MYL10: variants seen among roughly 807,000 people sequenced by gnomAD.
The protein encoded by MYL10 is myosin light chain 10.
A neutral mutation model predicts 21.9 loss-of-function variants in MYL10; 18 were observed. That is an observed-to-expected ratio of 0.82 (90% confidence interval 0.57 to 1.22). The LOEUF (loss-of-function observed/expected upper bound fraction) is 1.22, where lower values mean the gene tolerates loss of function less well. Among genes scored for constraint, MYL10 ranks in the 50% most tolerant of loss-of-function variants. MYL10 has a pLI of 0.00. For missense variants in MYL10, 225 were observed against 230.4 expected, an observed-to-expected ratio of 0.98 and a Z score of 0.15; for synonymous variants, 88 against 82.8, an observed-to-expected ratio of 1.06 and a Z score of -0.34.
intron 1 of MYL10, among the ~76,000 whole-genome samples, chr7:101,627,982 G>C (rs754036939): frequency 3.3e-5 from 5 of 152,190 alleles, no homozygotes; most frequent in South Asian, 2.1e-4. Context: ...ATAGGAATAG[G>C]GGGGAGTGTA....
At chr7:101,619,566 G>A (rs1026593295) in intron 5 of MYL10, among the ~76,000 whole-genome samples, 1 of 152,176 alleles carries the variant, frequency 6.6e-6, no homozygotes, top group African/African-American at 2.4e-5. Flanking sequence ...ATCACCCTGT[G>A]GTGGACTGAA....
At chr7:101,619,889 C>CAAAAAA (rs60752793) in intron 5 of MYL10, among the ~76,000 whole-genome samples, 3 of 102,610 alleles carry the variant, frequency 2.9e-5, no homozygotes, top group South Asian at 3.7e-4. Flanking sequence ...GACTCCGTCT[C>CAAAAAA]AAAAAAAAAA....
chr7:101,615,468 C>A (rs898959717), intron 6 of MYL10, among the ~76,000 whole-genome samples: 1 of 150,838 alleles, frequency 6.6e-6, no homozygotes, highest in Non-Finnish European at 1.5e-5. Context: ...CCCCGCCTGC[C>A]GCTCTGTGCT....
rs771268149 is a variant in MYL10, at chr7:101,624,154, AT to A, written c.171+17del. 21 of 1,518,234 alleles carry A rather than the reference AT, an allele frequency of 1.4e-5. 1 individual carries two copies. The South Asian group carries it at 2.0e-4, about 15-fold the overall frequency. The allele number at this position is 1,518,234 out of a possible 1,614,324, so 94.0% of individuals were successfully genotyped here. On this transcript the variant is annotated intron_variant, in intron 2 of 7. Coordinates refer to ENST00000223167, the MANE Select transcript of MYL10 (RefSeq NM_138403.5). Reference sequence around the variant, plus strand: ...TTCCAAGAATCCTCATAACAGCCCCATGGGGCAGCAGACCAACCTCTTTAAA... The same window carrying A: ...TTCCAAGAATCCTCATAACAGCCCCAGGGGCAGCAGACCAACCTCTTTAAA...
chr7:101,620,119 C>T (rs997791769), intron 5 of MYL10, among the ~76,000 whole-genome samples: 5 of 152,046 alleles, frequency 3.3e-5, no homozygotes, highest in African/African-American at 1.2e-4. Flanking sequence ...GTCAGGAGTT[C>T]GAGACCAGCC....
At chr7:101,622,970 A>T (rs1461393553) in intron 4 of MYL10, 27 bp downstream of exon 4, 22 of 1,610,812 alleles carry the variant, frequency 1.4e-5, no homozygotes, top group Non-Finnish European at 1.9e-5. Flanking sequence ...CCTGGCCCTA[A>T]TCTCCCCCGG....
intron 1 of MYL10, among the ~76,000 whole-genome samples, chr7:101,628,061 A>G (rs1796767607): frequency 6.6e-6 from 1 of 152,168 alleles, no homozygotes; most frequent in Non-Finnish European, 1.5e-5. Context: ...CCTTCTACCA[A>G]TATGCCTATT....
intron 3 of MYL10, 72 bp from the exon 4 acceptor site, chr7:101,623,144 C>T: frequency 7.0e-7 from 1 of 1,434,700 alleles, no homozygotes; most frequent in Non-Finnish European, 9.7e-7. Flanking sequence ...GGACCGTCCT[C>T]CTGCCGACTG....
intron 5 of MYL10, among the ~76,000 whole-genome samples, chr7:101,616,542 T>C (rs912716318): frequency 1.3e-5 from 2 of 152,238 alleles, no homozygotes; most frequent in African/African-American, 4.8e-5. Context: ...ATATATATTT[T>C]GTGAACAACC....
intron 5 of MYL10, among the ~76,000 whole-genome samples, chr7:101,619,951 A>G (rs1474934351): frequency 2.0e-5 from 3 of 152,178 alleles, no homozygotes; most frequent in Non-Finnish European, 1.5e-5. Context: ...ATTTGGAAAA[A>G]AGGACTTTGC....
chr7:101,625,937 G>C, intron 1 of MYL10, among the ~76,000 whole-genome samples: 1 of 149,802 alleles, frequency 6.7e-6, no homozygotes, highest in East Asian at 2.0e-4. Context: ...GATCCCCCTG[G>C]TTACACCCCC....
At position 101,615,505 on chromosome 7, in the gene MYL10, G is replaced by A. The variant is rs1465160592; in HGVS notation, c.533+715C>T. Among the ~76,000 whole-genome samples, 6 of 149,104 alleles carry A rather than the reference G, an allele frequency of 4.0e-5. No homozygotes were observed. The South Asian group carries it at 6.6e-4, about 16-fold the overall frequency. On this transcript the variant is annotated intron_variant, in intron 6 of 7. Coordinates refer to ENST00000223167, the MANE Select transcript of MYL10 (RefSeq NM_138403.5). ...AGTCTCCCCTACACCACCTCCACCC[G>A]CACCCTCCAGCTGCAGCCAACTCTG...
chr7:101,626,682 A>AT (rs1449314518), intron 1 of MYL10, among the ~76,000 whole-genome samples: 1 of 152,068 alleles, frequency 6.6e-6, no homozygotes, highest in African/African-American at 2.4e-5. Flanking sequence ...CGGCCCTCCC[A>AT]GGGGGCCCCT....
At chr7:101,614,016 G>A (rs1434866088) in intron 6 of MYL10, among the ~76,000 whole-genome samples, 1 of 152,162 alleles carries the variant, frequency 6.6e-6, no homozygotes, top group Non-Finnish European at 1.5e-5. Context: ...GGATCATTGA[G>A]GGGAGACACC....
chr7:101,624,143 A>G (rs747069259), intron 2 of MYL10, 29 bp downstream of exon 2: 1 of 1,438,694 alleles, frequency 7.0e-7, no homozygotes, highest in Non-Finnish European at 9.8e-7. Flanking sequence ...AAGAATCCTC[A>G]TAACAGCCCC....
intron 1 of MYL10, among the ~76,000 whole-genome samples, chr7:101,625,659 T>G (rs1796737184): frequency 6.6e-6 from 1 of 152,158 alleles, no homozygotes; most frequent in Admixed American, 6.5e-5. Context: ...CTGGGTGCTC[T>G]GTCTCTCCTA....
chr7:101,617,513 G>C lies in MYL10; in HGVS notation c.455-1215C>G, dbSNP rs75521492. Reference sequence around the variant, plus strand: ...GACTCCAGAGTCCCCTGCTCCTTTTGTCACCCTGTGCTCTTGCCAGTCAGA... The same window carrying C: ...GACTCCAGAGTCCCCTGCTCCTTTTCTCACCCTGTGCTCTTGCCAGTCAGA... On this transcript the variant is annotated intron_variant, in intron 5 of 7. Coordinates refer to ENST00000223167, the MANE Select transcript of MYL10 (RefSeq NM_138403.5). Among the ~76,000 whole-genome samples the C allele has an allele frequency of 7.3e-3, 1,117 of 152,346 alleles. 11 individuals are homozygous for C. Among genetic ancestry groups the C allele is most frequent in the African/African-American group, 0.026 (1,063 of 41,582 alleles).
In MYL10 at chr7:101,622,098, T is replaced by C; in HGVS notation, c.452A>G (p.Lys151Arg). The C allele has an allele frequency of 1.2e-6, 2 of 1,613,076 alleles. No individual in the cohort carries two copies. Among genetic ancestry groups the C allele is most frequent in the Non-Finnish European group, 1.7e-6 (2 of 1,179,186 alleles). ...VFLTMFGEKL[K>R]GTDPEETILH... Reference sequence around the variant, plus strand: ...AGGACTCCAGGAGCCTGGCTCACCCTTCAGCTTCTCCCCAAACATGGTCAG... The same window carrying C: ...AGGACTCCAGGAGCCTGGCTCACCCCTCAGCTTCTCCCCAAACATGGTCAG... Residue 151 changes from lysine (K) to arginine (R), a missense_variant and splice_region_variant, in exon 5 of 8, where the codon AAG becomes AGG. Physicochemically the swap from Lys to Arg is conservative, Grantham distance 26. Transcript: ENST00000223167.
intron 5 of MYL10, 113 bp downstream of exon 5, chr7:101,621,983 G>T: frequency 1.3e-6 from 1 of 784,496 alleles, no homozygotes; most frequent in Non-Finnish European, 2.1e-6. Context: ...TGGTGTCTGG[G>T]GCCACATCAT....
Sources: allele counts gnomAD v4.1 joint callset (sites outside exome capture counted in the v4.1 genomes callset), GRCh38; gene constraint gnomAD v4.1.1; transcripts MANE v1.5; gene names NCBI Gene and HGNC (gene_info 2026-07-23, HGNC 2026-07-21).